The following TENM3 variants were observed in gnomAD, a reference collection of about 807,000 sequenced individuals.
The protein encoded by TENM3 is teneurin transmembrane protein 3, also known as teneurin-3.
Under a neutral mutation model 255.1 loss-of-function variants are expected in TENM3, and 63 were observed. The ratio of observed to expected loss-of-function variants is 0.25; its 90% CI spans 0.20 to 0.30. TENM3 has a LOEUF of 0.30. Among genes scored for constraint, TENM3 ranks in the 10% least tolerant of loss-of-function variants. TENM3 has a pLI of 1.00. For missense variants in TENM3, 2,929 were observed against 3,461.1 expected (o/e 0.85, Z 3.86); for synonymous variants, 1,306 against 1,322.3 (o/e 0.99, Z 0.27).
chr4:181,820,379 AT>A, the TENM3 span: 3 of 147,634 alleles, frequency 2.0e-5, no homozygotes, highest in African/African-American at 8.1e-5. Context: ...GGCTATTTTT[AT>A]TTCAGTGTCT....
chr4:181,890,376 G>A, the TENM3 span, among the ~76,000 whole-genome samples: 10 of 152,046 alleles, frequency 6.6e-5, no homozygotes. Context: ...TAATTTAAAG[G>A]AGTACTGTCC....
chr4:182,704,098 C>CT (rs78172286), intron 12 of TENM3, among the ~76,000 whole-genome samples: 3 of 148,488 alleles, frequency 2.0e-5, no homozygotes, highest in African/African-American at 4.9e-5. Flanking sequence ...TAAAATATAC[C>CT]TTTTTTTTTT....
chr4:182,614,867 T>C (rs1340259709), intron 4 of TENM3, among the ~76,000 whole-genome samples: 1 of 151,870 alleles, frequency 6.6e-6, no homozygotes, highest in Non-Finnish European at 1.5e-5. Flanking sequence ...AGAATTCAGT[T>C]TCTTCACGTT....
chr4:181,909,560 A>G, the TENM3 span, among the ~76,000 whole-genome samples: 1 of 152,074 alleles, frequency 6.6e-6, no homozygotes, highest in Non-Finnish European at 1.5e-5. Flanking sequence ...CCAGATCCAC[A>G]TGCTCATTGC....
At chr4:182,255,102 G>A (rs1758299887) in intron 1 of TENM3, among the ~76,000 whole-genome samples, 1 of 152,102 alleles carries the variant, frequency 6.6e-6, no homozygotes, top group African/African-American at 2.4e-5. Context: ...TAAATTTTCA[G>A]GAGTTGTATA....
chr4:182,141,911 C>G (rs1749461193), upstream of TENM3: 1 of 152,158 alleles, frequency 6.6e-6, no homozygotes, highest in Non-Finnish European at 1.5e-5. Flanking sequence ...AGTGTCTCAT[C>G]TCTTTATTGT....
At chr4:182,621,761 A>ATTATAT (rs1750260593) in intron 4 of TENM3, among the ~76,000 whole-genome samples, 1 of 84,564 alleles carries the variant, frequency 1.2e-5, no homozygotes, top group Non-Finnish European at 2.3e-5. Flanking sequence ...TATAATATAT[A>ATTATAT]ATAATTATAT....
chr4:181,714,010 C>T, the TENM3 span, among the ~76,000 whole-genome samples: 6 of 152,250 alleles, frequency 3.9e-5, no homozygotes, highest in South Asian at 4.1e-4. Flanking sequence ...GGGAGGCACA[C>T]GTACCCACAG....
chr4:182,254,478 T>G lies in TENM3; in HGVS notation c.-76+11002T>G, dbSNP rs1021371970. Among the ~76,000 whole-genome samples, 125 of 152,318 alleles carry G rather than the reference T, an allele frequency of 8.2e-4. 3 individuals carry two copies. Among genetic ancestry groups the G allele is most frequent in the Non-Finnish European group, 3.5e-4 (24 of 68,030 alleles). On this transcript the variant is annotated intron_variant, in intron 1 of 27. Coordinates refer to ENST00000511685, the MANE Select transcript of TENM3 (RefSeq NM_001080477.4). The stretch of plus-strand genomic sequence containing the variant: ...ATGAATTGGGAAGTCATTCTTCCGG[T>G]ATTTAGCATTGTTCAAGTATGGCTT...
intron 1 of TENM3, among the ~76,000 whole-genome samples, chr4:182,214,094 G>A (rs1348131987): frequency 7.9e-5 from 12 of 151,886 alleles, no homozygotes; most frequent in African/African-American, 2.2e-4. Context: ...GAACCACCGC[G>A]CCTAGCCAGA....
intron 3 of TENM3, among the ~76,000 whole-genome samples, chr4:182,463,455 T>G (rs1391589637): frequency 6.6e-6 from 1 of 152,074 alleles, no homozygotes; most frequent in African/African-American, 2.4e-5. Flanking sequence ...TGCAATACTT[T>G]AGACCATGTA....
chr4:181,889,734 G>C, the TENM3 span, among the ~76,000 whole-genome samples: 1 of 152,104 alleles, frequency 6.6e-6, no homozygotes, highest in Admixed American at 6.5e-5. Context: ...GTATTTTCTG[G>C]TTGCATTTTG....
chr4:181,904,967 C>T, the TENM3 span, among the ~76,000 whole-genome samples: 2 of 152,184 alleles, frequency 1.3e-5, no homozygotes, highest in Non-Finnish European at 1.5e-5. Context: ...TCTTTGCCTG[C>T]TGCCATCCAT....
intron 2 of TENM3, among the ~76,000 whole-genome samples, chr4:182,339,669 G>C (rs1468812776): frequency 6.6e-6 from 1 of 152,082 alleles, no homozygotes; most frequent in Non-Finnish European, 1.5e-5. Context: ...TCCTTGCCAC[G>C]TTGCCCATTT....
the TENM3 span, among the ~76,000 whole-genome samples, chr4:181,840,719 G>A: frequency 6.6e-6 from 1 of 152,040 alleles, no homozygotes; most frequent in Non-Finnish European, 1.5e-5. Flanking sequence ...GCAGGTTCAT[G>A]GACAGGAAAG....
chr4:182,790,185 G>A (rs943859598), intron 25 of TENM3, among the ~76,000 whole-genome samples: 2 of 152,054 alleles, frequency 1.3e-5, no homozygotes, highest in Admixed American at 6.5e-5. Context: ...ACAAAAGTTC[G>A]CCCTAGAAAA....
the TENM3 span, among the ~76,000 whole-genome samples, chr4:182,076,582 C>T: frequency 2.6e-5 from 4 of 152,288 alleles, no homozygotes; most frequent in South Asian, 4.1e-4. Flanking sequence ...CTTCTGGGCT[C>T]GTTGTGCTGC....
intron 1 of TENM3, among the ~76,000 whole-genome samples, chr4:182,313,619 C>T (rs1762575573): frequency 6.6e-6 from 1 of 151,908 alleles, no homozygotes; most frequent in Admixed American, 6.6e-5. Context: ...CTGCATTTTC[C>T]AGTTTCCAGA....
At chr4:182,519,384 A>G (rs990799792) in intron 3 of TENM3, among the ~76,000 whole-genome samples, 2 of 152,166 alleles carry the variant, frequency 1.3e-5, no homozygotes, top group Non-Finnish European at 2.9e-5. Context: ...AAGAAAGAAA[A>G]TGAAACTCAC....
Sources: gnomAD v4.1 joint callset for allele counts (sites outside exome capture counted in the v4.1 genomes callset) on GRCh38, gnomAD v4.1.1 for gene constraint, MANE v1.5 for transcripts, NCBI Gene and HGNC (gene_info 2026-07-23, HGNC 2026-07-21) for gene names.